ACAD11: variants seen among roughly 807,000 people sequenced by gnomAD.
ACAD11 encodes acyl-Coenzyme A dehydrogenase family, member 11.
Under a neutral mutation model 102.2 loss-of-function variants are expected in ACAD11, and 83 were observed. The observed-to-expected ratio is 0.81, with a 90% confidence interval of 0.68 to 0.97. The LOEUF is 0.97. Ranked by LOEUF, ACAD11 falls within the 50% of genes least tolerant of loss-of-function variation. The probability of loss-of-function intolerance (pLI) is 0.00; values close to 1 mark genes in which losing one functional copy is unlikely to be tolerated. For missense variants in ACAD11, 901 were observed against 951.7 expected (o/e 0.95, Z 0.70); for synonymous variants, 324 against 319.8 (o/e 1.01, Z -0.14).
At chr3:132,615,761 C>T (rs1175002772) in intron 11 of ACAD11, among the ~76,000 whole-genome samples, 3 of 152,084 alleles carry the variant, frequency 2.0e-5, no homozygotes, top group Non-Finnish European at 2.9e-5. Context: ...TGTATACCTA[C>T]GTAACAAACC....
intron 9 of ACAD11, among the ~76,000 whole-genome samples, chr3:132,622,997 G>C (rs1939663759): frequency 6.6e-6 from 1 of 152,180 alleles, no homozygotes; most frequent in African/African-American, 2.4e-5. Flanking sequence ...TATGTTGCTA[G>C]TTCCTGTTTT....
At chr3:132,645,040 A>G (rs550568893) in intron 1 of ACAD11, 144 bp from the exon 2 acceptor site, 1 of 553,490 alleles carries the variant, frequency 1.8e-6, no homozygotes, top group African/African-American at 1.9e-5. Context: ...TCAGCAGCTC[A>G]CAACATGAAT....
intron 5 of ACAD11, among the ~76,000 whole-genome samples, chr3:132,633,857 T>G (rs1378302587): frequency 6.6e-6 from 1 of 152,104 alleles, no homozygotes; most frequent in Admixed American, 6.5e-5. Context: ...TAGCCATATG[T>G]AGAAAGCTGA....
chr3:132,639,053 CA>C (rs1940382015), intron 5 of ACAD11, among the ~76,000 whole-genome samples: 1 of 152,090 alleles, frequency 6.6e-6, no homozygotes, highest in Non-Finnish European at 1.5e-5. Flanking sequence ...TTTGAAGCCT[CA>C]AGAAGCTTTT....
chr3:132,559,607 C>T (rs968160937), intron 19 of ACAD11, among the ~76,000 whole-genome samples: 1 of 151,978 alleles, frequency 6.6e-6, no homozygotes, highest in African/African-American at 2.4e-5. Flanking sequence ...CCCAGGAATC[C>T]TCAGTGGGAC....
At chr3:132,647,018 A>T (rs1286647165) in intron 1 of ACAD11, 1 of 152,234 alleles carries the variant, frequency 6.6e-6, no homozygotes, top group Non-Finnish European at 1.5e-5. Flanking sequence ...ATGGTTGTAT[A>T]ACATTGTGAA....
rs142872297 is a variant in ACAD11, at chr3:132,627,114, G to A, written c.1071-297C>T. 6.9e-3 allele frequency: 1,376 copies of A among 199,508 alleles called. 28 individuals are homozygous for A. The highest frequency in any genetic ancestry group is 0.031 in the African/African-American group (1,308 of 42,610). 12.4% of individuals were successfully genotyped at this position (199,508 alleles called of 1,614,324 possible). Reference sequence around the variant, plus strand: ...GAGGCACAGGGTCTTGTCTGGACATGCCCACAATGGACTGGGGGCCTGCCT... The same window carrying A: ...GAGGCACAGGGTCTTGTCTGGACATACCCACAATGGACTGGGGGCCTGCCT... On this transcript the variant is annotated intron_variant, in intron 8 of 19. Transcript: ENST00000264990.
intron 13 of ACAD11, among the ~76,000 whole-genome samples, chr3:132,580,799 T>C (rs976767913): frequency 6.6e-6 from 1 of 152,016 alleles, no homozygotes; most frequent in Non-Finnish European, 1.5e-5. Flanking sequence ...CTCAACCAGC[T>C]ACCCTTTCTT....
intron 12 of ACAD11, among the ~76,000 whole-genome samples, chr3:132,604,415 C>T (rs1230649414): frequency 2.0e-5 from 3 of 152,126 alleles, no homozygotes; most frequent in Non-Finnish European, 2.9e-5. Context: ...AGTCTTAGAA[C>T]GTATCCCCTT....
chr3:132,613,706 C>G (rs1939270322), intron 11 of ACAD11, among the ~76,000 whole-genome samples: 1 of 152,010 alleles, frequency 6.6e-6, no homozygotes, highest in South Asian at 2.1e-4. Context: ...TGAGACCAGC[C>G]TGGTCAGCAT....
At chr3:132,611,211 A>G (rs192832630) in intron 11 of ACAD11, among the ~76,000 whole-genome samples, 1 of 152,306 alleles carries the variant, frequency 6.6e-6, no homozygotes, top group East Asian at 1.9e-4. Context: ...TTAGGTATCA[A>G]TGGGACGTAT....
At chr3:132,621,875 A>G (rs559677349) in intron 9 of ACAD11, among the ~76,000 whole-genome samples, 29 of 150,182 alleles carry the variant, frequency 1.9e-4, no homozygotes, top group Admixed American at 5.3e-4. Flanking sequence ...GCTACTCAGG[A>G]GGCTGAGGCG....
intron 13 of ACAD11, among the ~76,000 whole-genome samples, chr3:132,598,535 G>A (rs139939313): frequency 1.4e-4 from 22 of 152,324 alleles, no homozygotes; most frequent in African/African-American, 2.6e-4. Flanking sequence ...TATGGGAAAC[G>A]CATCCTTTCC....
At chr3:132,647,234 C>T (rs907128022) in intron 1 of ACAD11, 1 of 152,136 alleles carries the variant, frequency 6.6e-6, no homozygotes, top group African/African-American at 2.4e-5. Context: ...ACAGTACTTG[C>T]TAAATTTAAC....
intron 1 of ACAD11, chr3:132,646,593 A>G (rs1940726639): frequency 6.6e-6 from 1 of 152,224 alleles, no homozygotes; most frequent in African/African-American, 2.4e-5. Flanking sequence ...TTCTACATAT[A>G]TATCCAAGAG....
At chr3:132,560,524 A>T (rs1291626848) in intron 18 of ACAD11, among the ~76,000 whole-genome samples, 1 of 151,960 alleles carries the variant, frequency 6.6e-6, no homozygotes, top group Non-Finnish European at 1.5e-5. Flanking sequence ...GGCTCAAGCA[A>T]TCCCCCTGCC....
At chr3:132,615,577 C>T (rs1035483731) in intron 11 of ACAD11, among the ~76,000 whole-genome samples, 8 of 152,102 alleles carry the variant, frequency 5.3e-5, no homozygotes, top group Non-Finnish European at 1.0e-4. Flanking sequence ...AATACAGGAG[C>T]AGAAAACCAA....
At chr3:132,586,667 A>G (rs549086059) in intron 13 of ACAD11, among the ~76,000 whole-genome samples, 4 of 152,300 alleles carry the variant, frequency 2.6e-5, no homozygotes, top group Middle Eastern at 3.4e-3. Context: ...TTGCTCCATC[A>G]TCTTATTAGA....
In ACAD11 at chr3:132,639,589, G is replaced by A. The variant is rs369659108; in HGVS notation, c.605C>T (p.Ser202Leu). Reference sequence around the variant, plus strand: ...GGGCAAGTTCTTCATTAGCCACTCCGATAGCTGTTGCATGGCAGGGATGTC... The same window carrying A: ...GGGCAAGTTCTTCATTAGCCACTCCAATAGCTGTTGCATGGCAGGGATGTC... ...HQDIPAMQQL[S>L]EWLMKNLPDN... Residue 202 changes from serine to leucine, a missense_variant, in exon 5 of 20, where the codon TCG becomes TTG. Ser to Leu is a moderately radical substitution (Grantham distance 145). Transcript: ENST00000264990. The A allele has an allele frequency of 5.0e-6, 8 of 1,613,520 alleles. No homozygotes were observed. The highest frequency in any genetic ancestry group is 2.7e-5 in the African/African-American group (2 of 74,874).
Sources: gnomAD v4.1 joint callset for allele counts (sites outside exome capture counted in the v4.1 genomes callset) on GRCh38, gnomAD v4.1.1 for gene constraint, MANE v1.5 for transcripts, NCBI Gene and HGNC (gene_info 2026-07-23, HGNC 2026-07-21) for gene names.